FHOD3: variants seen among roughly 807,000 people sequenced by gnomAD.
The protein encoded by FHOD3 is FH1/FH2 domain-containing protein 3.
FHOD3 carries 90 observed loss-of-function variants against 173.0 expected under a neutral mutation model. That is an observed-to-expected ratio of 0.52 (90% CI 0.44 to 0.62). FHOD3 has a LOEUF of 0.62. Ranked by LOEUF, FHOD3 falls within the 20% of genes least tolerant of loss-of-function variation. The pLI, the probability that FHOD3 is intolerant of heterozygous loss-of-function variation, is 0.00. For synonymous variants in FHOD3, 828 were observed against 823.0 expected, an observed-to-expected ratio of 1.01 and a Z score of -0.10; for missense variants, 1,945 against 2,034.7, an observed-to-expected ratio of 0.96 and a Z score of 0.85.
intron 18 of FHOD3, among the ~76,000 whole-genome samples, chr18:36,714,608 A>G (rs535695245): frequency 2.0e-5 from 3 of 152,288 alleles, no homozygotes; most frequent in Non-Finnish European, 4.4e-5. Context: ...ACATTTCCCA[A>G]TAAATGGAGA....
chr18:36,594,309 C>T (rs1021239189), intron 6 of FHOD3, among the ~76,000 whole-genome samples: 2 of 152,048 alleles, frequency 1.3e-5, no homozygotes, highest in African/African-American at 2.4e-5. Flanking sequence ...GAATGGGGTA[C>T]TTGGTTCCGG....
At position 36,392,039 on chromosome 18, in the gene FHOD3, C is replaced by T. The variant is rs149012045; in HGVS notation, c.337+19295C>T. Among the ~76,000 whole-genome samples the T allele has an allele frequency of 4.3e-3, 653 of 152,334 alleles. 2 individuals carry two copies. Among genetic ancestry groups the T allele is most frequent in the Admixed American group, 7.3e-3 (112 of 15,310 alleles). ...AAGCTCTGGCTGTCCTGCCCAGTGG[C>T]ACTGGACCCTGGTGTAGCGGGGTGG... On this transcript the variant is annotated intron_variant, in intron 3 of 28. Transcript: ENST00000590592.
chr18:36,777,418 G>T (rs376026821), intron 28 of FHOD3, among the ~76,000 whole-genome samples: 23 of 151,960 alleles, frequency 1.5e-4, no homozygotes, highest in African/African-American at 5.3e-4. Flanking sequence ...GTCTCAAGCT[G>T]CTGACCTCAA....
intron 4 of FHOD3, among the ~76,000 whole-genome samples, chr18:36,506,915 C>T (rs1169865367): frequency 6.6e-6 from 1 of 152,164 alleles, no homozygotes; most frequent in Non-Finnish European, 1.5e-5. Flanking sequence ...CGCTTCTGGA[C>T]CCTCAACTAC....
At position 36,674,461 on chromosome 18, in the gene FHOD3, C is replaced by T. The variant is rs2037724121; in HGVS notation, c.1836-6975C>T. 2.0e-5 allele frequency among the ~76,000 whole-genome samples: 3 copies of T among 152,134 alleles called. No homozygotes were observed. In the South Asian group the frequency reaches 6.2e-4, roughly 32 times the overall value. ...GTGGCGTGATCATAGCTCACTGTGGCCTTGAACTCCTGGCCTTGAGCAGTC... is the reference window on the plus strand; with the variant it reads ...GTGGCGTGATCATAGCTCACTGTGGTCTTGAACTCCTGGCCTTGAGCAGTC... On this transcript the variant is annotated intron_variant, in intron 14 of 28. Transcript: ENST00000590592.
At chr18:36,328,825 T>C (rs989345031) in intron 1 of FHOD3, among the ~76,000 whole-genome samples, 1 of 152,026 alleles carries the variant, frequency 6.6e-6, no homozygotes, top group Non-Finnish European at 1.5e-5. Flanking sequence ...CTTCACTGAG[T>C]TGGGAGACTG....
chr18:36,506,523 G>A (rs1450408691), intron 4 of FHOD3, among the ~76,000 whole-genome samples: 2 of 152,172 alleles, frequency 1.3e-5, no homozygotes, highest in Non-Finnish European at 2.9e-5. Context: ...AAAATTGTTT[G>A]CATGTTTGTC....
chr18:36,443,721 A>C (rs758485115), intron 3 of FHOD3, among the ~76,000 whole-genome samples: 1 of 152,196 alleles, frequency 6.6e-6, no homozygotes, highest in Non-Finnish European at 1.5e-5. Context: ...TCACGGAGCT[A>C]GGAAATACAG....
intron 6 of FHOD3, among the ~76,000 whole-genome samples, chr18:36,591,042 A>C (rs551726971): frequency 6.6e-6 from 1 of 152,326 alleles, no homozygotes; most frequent in East Asian, 1.9e-4. Context: ...TAGTCCACCC[A>C]CTGAGGAAGT....
intron 19 of FHOD3, among the ~76,000 whole-genome samples, chr18:36,720,800 TCCTCTTCCTCCC>T (rs1283821525): frequency 6.5e-5 from 7 of 107,078 alleles, no homozygotes. Context: ...CTCTTCCTCC[TCCTCTTCCTCCC>T]CTCATTGCCC....
chr18:36,315,436 C>A (rs933847269), intron 1 of FHOD3, among the ~76,000 whole-genome samples: 1 of 152,100 alleles, frequency 6.6e-6, no homozygotes, highest in Non-Finnish European at 1.5e-5. Flanking sequence ...ATGACACCCT[C>A]ACCCCGAGAC....
intron 17 of FHOD3, among the ~76,000 whole-genome samples, chr18:36,694,145 G>C (rs2039125399): frequency 6.6e-6 from 1 of 152,222 alleles, no homozygotes; most frequent in African/African-American, 2.4e-5. Context: ...CGTTTACACA[G>C]TGTGTGTTGA....
At chr18:36,408,787 G>A (rs2049195914) in intron 3 of FHOD3, among the ~76,000 whole-genome samples, 1 of 152,168 alleles carries the variant, frequency 6.6e-6, no homozygotes, top group South Asian at 2.1e-4. Context: ...CTAGCGCCCA[G>A]GAGCCAAGCC....
chr18:36,416,723 C>T (rs2049671285), intron 3 of FHOD3, among the ~76,000 whole-genome samples: 1 of 152,192 alleles, frequency 6.6e-6, no homozygotes, highest in Non-Finnish European at 1.5e-5. Flanking sequence ...CTCCCTTCCT[C>T]CATATGCTTT....
intron 9 of FHOD3, among the ~76,000 whole-genome samples, chr18:36,617,147 C>A (rs1368433757): frequency 6.6e-6 from 1 of 152,214 alleles, no homozygotes; most frequent in East Asian, 1.9e-4. Flanking sequence ...GAAATAAGAA[C>A]TCTCAGCAAA....
chr18:36,627,692 C>G (rs1249788840), intron 10 of FHOD3, among the ~76,000 whole-genome samples: 1 of 152,078 alleles, frequency 6.6e-6, no homozygotes, highest in Non-Finnish European at 1.5e-5. Flanking sequence ...ATTTACGAAG[C>G]CTGTTGGAGG....
chr18:36,298,039 GC>G lies in FHOD3; in HGVS notation c.165+44del, dbSNP rs760952888. 138 of 1,424,494 alleles carry G rather than the reference GC, an allele frequency of 9.7e-5. No homozygotes were observed. In the South Asian group the frequency reaches 2.0e-3, roughly 20 times the overall value. 88.2% of individuals were successfully genotyped at this position (1,424,494 alleles called of 1,614,324 possible). ...GGGTGGGCTGGGCCCCCTGGACTCA[GC>G]CCCCTGCCGCGGTGCGCGCCGGGGT... On this transcript the variant is annotated intron_variant, in intron 1 of 28. Coordinates refer to ENST00000590592, the MANE Select transcript of FHOD3 (RefSeq NM_001281740.3).
chr18:36,630,772 C>T, intron 10 of FHOD3, among the ~76,000 whole-genome samples: 1 of 152,054 alleles, frequency 6.6e-6, no homozygotes. Context: ...AACTGATGGT[C>T]AAGAAGGAAA....
rs1375550124 is a variant in FHOD3, at chr18:36,652,786, C to T, written c.1503C>T (p.Ala501=). ...CCTCAGCTGCTCGGCCCTCCTCCGC[C>T]ACACCAGGCTCCCTGAAGGTGTCAC... is the stretch of plus-strand genomic sequence containing the variant. ...PPASAARPSS[A]TPGSLKVSPT... is the part of the protein sequence containing the mutation. Residue 501 remains alanine (A), a synonymous_variant, in exon 12 of 29, where the codon GCC becomes GCT. Transcript: ENST00000590592. The T allele has an allele frequency of 6.5e-7, 1 of 1,535,942 alleles. No individual in the cohort carries two copies. Among genetic ancestry groups the T allele is most frequent in the African/African-American group, 1.4e-5 (1 of 73,028 alleles).
Sources: gnomAD v4.1 joint callset for allele counts (sites outside exome capture counted in the v4.1 genomes callset) on GRCh38, gnomAD v4.1.1 for gene constraint, MANE v1.5 for transcripts, NCBI Gene and HGNC (gene_info 2026-07-23, HGNC 2026-07-21) for gene names.